Variants in PCSK9 observed in about 807,000 individuals in gnomAD.
PCSK9 encodes the protein convertase subtilisin/kexin type 9 preproprotein.
PCSK9 carries 57 observed loss-of-function variants against 62.1 expected under a neutral mutation model. The ratio of observed to expected loss-of-function variants is 0.92; its 90% CI spans 0.74 to 1.14. The LOEUF is 1.14. Among genes scored for constraint, PCSK9 ranks in the 50% most tolerant of loss-of-function variants. The probability of loss-of-function intolerance (pLI) is 0.00; values close to 1 mark genes in which losing one functional copy is unlikely to be tolerated. For synonymous variants in PCSK9, 387 were observed against 409.4 expected, an observed-to-expected ratio of 0.95 and a Z score of 0.66; for missense variants, 870 against 959.8, an observed-to-expected ratio of 0.91 and a Z score of 1.24.
chr1:55,050,194 ACCTGTATCCCCTGCAGCCAGC>A (rs1177166451), intron 3 of PCSK9, among the ~76,000 whole-genome samples: 1 of 152,204 alleles, frequency 6.6e-6, no homozygotes, highest in Non-Finnish European at 1.5e-5. Flanking sequence ...CTTCCTGAGC[ACCTGTATCCCCTGCAGCCAGC>A]CCGGGGCCTC....
chr1:55,051,803 G>A (rs1048048124), intron 3 of PCSK9: 3 of 262,354 alleles, frequency 1.1e-5, no homozygotes, highest in South Asian at 4.3e-5. Context: ...CATCCTGTCC[G>A]AGCTGCAGCT....
rs1277776494 is a variant in PCSK9, at chr1:55,058,179, G to A, written c.1324G>A (p.Ala442Thr). 2 of 1,613,406 alleles carry A rather than the reference G, an allele frequency of 1.2e-6. No homozygotes were observed. Among genetic ancestry groups the A allele is most frequent in the Non-Finnish European group, 1.7e-6 (2 of 1,180,000 alleles). The change falls in exon 8 of 12, where the codon GCC (alanine) becomes ACC (threonine). Residue 442 changes from alanine (A) to threonine (T), a missense_variant. Physicochemically the swap from Ala to Thr is moderately conservative, Grantham distance 58. Coordinates refer to ENST00000302118, the MANE Select transcript of PCSK9 (RefSeq NM_174936.4). ...DQRVLTPNLV[A>T]ALPPSTHGAG... ...GCGGGTACTGACCCCCAACCTGGTG[G>A]CCGCCCTGCCCCCCAGCACCCATGG...
At chr1:55,043,820 T>C in intron 1 of PCSK9, 23 bp from the exon 2 acceptor site, 1 of 1,613,514 alleles carries the variant, frequency 6.2e-7, no homozygotes, top group South Asian at 1.1e-5. Flanking sequence ...CATGTCATCA[T>C]GTTCCTCCTT....
At chr1:55,050,734 C>T (rs1644667128) in intron 3 of PCSK9, among the ~76,000 whole-genome samples, 1 of 152,150 alleles carries the variant, frequency 6.6e-6, no homozygotes, top group African/African-American at 2.4e-5. Flanking sequence ...CCGACCTTGC[C>T]TGAAATTCAT....
At position 55,058,165 on chromosome 1, in the gene PCSK9, C is replaced by A. The variant is rs746134573; in HGVS notation, c.1310C>A (p.Thr437Asn). ...AWFPEDQRVLTPNLVAALPPS... is the reference protein window; with the variant it reads ...AWFPEDQRVLNPNLVAALPPS... ...TTCCCTGAGGACCAGCGGGTACTGA[C>A]CCCCAACCTGGTGGCCGCCCTGCCC... Residue 437 changes from threonine (T) to asparagine (N), a missense_variant, in exon 8 of 12, where the codon ACC (threonine) becomes AAC (asparagine). Transcript: ENST00000302118. 9 of 1,613,362 alleles carry A rather than the reference C, an allele frequency of 5.6e-6. No homozygotes were observed. The African/African-American group carries it at 1.2e-4, about 22-fold the overall frequency.
In PCSK9 at chr1:55,058,182, G is replaced by C. The variant is rs28362263; in HGVS notation, c.1327G>C (p.Ala443Pro). The change falls in exon 8 of 12, where the codon GCC becomes CCC. Residue 443 changes from alanine to proline, a missense_variant. Coordinates refer to ENST00000302118, the MANE Select transcript of PCSK9 (RefSeq NM_174936.4). ...QRVLTPNLVA[A>P]LPPSTHGAGW... Reference sequence around the variant, plus strand: ...GGTACTGACCCCCAACCTGGTGGCCGCCCTGCCCCCCAGCACCCATGGGGC... The same window carrying C: ...GGTACTGACCCCCAACCTGGTGGCCCCCCTGCCCCCCAGCACCCATGGGGC... 6.2e-7 allele frequency: 1 copy of C among 1,613,320 alleles called. No individual in the cohort carries two copies. Among genetic ancestry groups the C allele is most frequent in the Non-Finnish European group, 8.5e-7 (1 of 1,179,986 alleles).
At chr1:55,051,483 C>T in intron 3 of PCSK9, 1 of 320,654 alleles carries the variant, frequency 3.1e-6, no homozygotes, top group Non-Finnish European at 6.0e-6. Flanking sequence ...CTTTCTTCCT[C>T]TCTCCCTTCT....
At chr1:55,061,296 G>C in intron 10 of PCSK9, 79 bp from the exon 11 acceptor site, 2 of 1,446,824 alleles carry the variant, frequency 1.4e-6, no homozygotes, top group Admixed American at 2.1e-5. Context: ...ACCTTAAAGA[G>C]AGAGGGTCTG....
At chr1:55,046,745 G>C (rs1644638234) in intron 3 of PCSK9, 99 bp downstream of exon 3, 1 of 1,462,366 alleles carries the variant, frequency 6.8e-7, no homozygotes, top group Non-Finnish European at 9.4e-7. Context: ...ACTTCTCGGG[G>C]GGCTTTGGGA....
At chr1:55,052,882 T>G in intron 5 of PCSK9, 91 bp downstream of exon 5, 1 of 1,581,240 alleles carries the variant, frequency 6.3e-7, no homozygotes, top group Non-Finnish European at 8.6e-7. Flanking sequence ...TAATGTCTCC[T>G]AACCAAGAAT....
intron 5 of PCSK9, 132 bp from the exon 6 acceptor site, chr1:55,055,861 A>G (rs1644710005): frequency 3.4e-6 from 3 of 875,026 alleles, no homozygotes; most frequent in Non-Finnish European, 5.1e-6. Context: ...CAGCATTTCC[A>G]CTGGCTTTTG....
At chr1:55,052,008 A>G in intron 3 of PCSK9, 2 of 538,370 alleles carry the variant, frequency 3.7e-6, no homozygotes, top group Admixed American at 3.1e-5. Context: ...CATATGAAGG[A>G]GCAGGATGAC....
chr1:55,045,134 G>A (rs1367440810), intron 2 of PCSK9, among the ~76,000 whole-genome samples: 1 of 146,942 alleles, frequency 6.8e-6, no homozygotes, highest in African/African-American at 2.6e-5. Flanking sequence ...CAGCCTTGGG[G>A]AGAGACGAAG....
intron 7 of PCSK9, 53 bp downstream of exon 7, chr1:55,057,567 C>A: frequency 8.4e-6 from 13 of 1,554,940 alleles, no homozygotes; most frequent in Non-Finnish European, 1.1e-5. Flanking sequence ...GCCCCTTTGG[C>A]AGTCAGGGTC....
chr1:55,042,395 C>T (rs144317880), intron 1 of PCSK9, among the ~76,000 whole-genome samples: 115 of 152,318 alleles, frequency 7.5e-4, no homozygotes, highest in African/African-American at 2.6e-3. Context: ...TGTGAATATG[C>T]ATATTCATAT....
At chr1:55,044,094 T>A in intron 2 of PCSK9, 60 bp downstream of exon 2, 2 of 1,577,944 alleles carry the variant, frequency 1.3e-6, no homozygotes, top group East Asian at 2.2e-5. Context: ...GCATATACAC[T>A]GGGGACTGTG....
In PCSK9 at chr1:55,039,743, G is replaced by A. The variant is rs1208288511; in HGVS notation, c.-95G>A. On this transcript the variant is annotated 5_prime_UTR_variant, in exon 1 of 12. Coordinates refer to ENST00000302118, the MANE Select transcript of PCSK9 (RefSeq NM_174936.4). The stretch of plus-strand genomic sequence containing the variant: ...GCTCCTGAACTTCAGCTCCTGCACA[G>A]TCCTCCCCACCGCAAGGCTCAAGGC... 3.5e-6 allele frequency: 5 copies of A among 1,422,582 alleles called. No homozygotes were observed. Among genetic ancestry groups the A allele is most frequent in the African/African-American group, 2.8e-5 (2 of 70,836 alleles). 88.1% of individuals were successfully genotyped at this position (1,422,582 alleles called of 1,614,324 possible). A position where few individuals can be genotyped will look rare whatever the true frequency, so the allele number is the denominator to read the frequency against.
At chr1:55,051,891 T>G (rs1644676468) in intron 3 of PCSK9, 1 of 321,536 alleles carries the variant, frequency 3.1e-6, no homozygotes, top group African/African-American at 2.2e-5. Flanking sequence ...TAAATCTTGT[T>G]GTCTTTCTTG....
intron 2 of PCSK9, 107 bp downstream of exon 2, chr1:55,044,141 G>A: frequency 7.6e-7 from 1 of 1,308,280 alleles, no homozygotes; most frequent in Non-Finnish European, 1.1e-6. Context: ...GAAGGGGACA[G>A]CAAGTATGTA....
Sources: allele counts gnomAD v4.1 joint callset (sites outside exome capture counted in the v4.1 genomes callset), GRCh38; gene constraint gnomAD v4.1.1; transcripts MANE v1.5; gene names NCBI Gene and HGNC (gene_info 2026-07-23, HGNC 2026-07-21).